Variants in ROBO1 observed in about 807,000 individuals in gnomAD.
ROBO1 encodes the protein roundabout guidance receptor 1.
In ROBO1, 149 loss-of-function variants were observed where a neutral mutation model predicts 195.9. That is an observed-to-expected ratio of 0.76 (90% CI 0.67 to 0.87). The LOEUF (loss-of-function observed/expected upper bound fraction) is 0.87, where lower values mean the gene tolerates loss of function less well. Ranked by LOEUF, ROBO1 falls within the 40% of genes least tolerant of loss-of-function variation. The probability of loss-of-function intolerance (pLI) is 0.00; values close to 1 mark genes in which losing one functional copy is unlikely to be tolerated. For synonymous variants in ROBO1, 816 were observed against 733.2 expected (o/e 1.11, Z -1.82); for missense variants, 1,933 against 2,068.3 (o/e 0.93, Z 1.27).
intron 19 of ROBO1, among the ~76,000 whole-genome samples, chr3:78,648,517 G>T (rs1008427059): frequency 6.6e-6 from 1 of 151,714 alleles, no homozygotes; most frequent in South Asian, 2.1e-4. Context: ...AAATTGAACC[G>T]CAGACCTCAA....
chr3:79,450,110 T>A (rs1375537994), intron 2 of ROBO1, among the ~76,000 whole-genome samples: 3 of 148,374 alleles, frequency 2.0e-5, no homozygotes, highest in Non-Finnish European at 4.4e-5. Context: ...CACTAGTTAT[T>A]GGGGAAAAAA....
intron 2 of ROBO1, among the ~76,000 whole-genome samples, chr3:79,441,082 C>G (rs1391902025): frequency 6.6e-6 from 1 of 152,044 alleles, no homozygotes; most frequent in Non-Finnish European, 1.5e-5. Flanking sequence ...ATATGCTAAA[C>G]TCTTGTTAAT....
chr3:78,823,195 T>C (rs1235749934), intron 4 of ROBO1, among the ~76,000 whole-genome samples: 1 of 151,620 alleles, frequency 6.6e-6, no homozygotes, highest in African/African-American at 2.4e-5. Flanking sequence ...AATGATTTTT[T>C]TTTTTTTTTT....
chr3:79,019,801 C>T (rs2078060558), intron 3 of ROBO1, among the ~76,000 whole-genome samples: 1 of 152,062 alleles, frequency 6.6e-6, no homozygotes, highest in South Asian at 2.1e-4. Flanking sequence ...TCTTCCTTGC[C>T]GCTTCCAGGA....
intron 4 of ROBO1, among the ~76,000 whole-genome samples, chr3:78,788,282 A>AT (rs370345876): frequency 0.25 from 37,006 of 149,310 alleles, 4,677 homozygotes; most frequent in Non-Finnish European, 0.27. Context: ...CGCCCAGATA[A>AT]TTTTTTTTTG....
chr3:79,550,195 G>GAAAGAAAGAAAGGAAA lies in ROBO1; in HGVS notation c.88+39628_88+39629insTTTCCTTTCTTTCTTT. Among the ~76,000 whole-genome samples the GAAAGAAAGAAAGGAAA allele has an allele frequency of 1.2e-4, 12 of 100,836 alleles. 1 individual carries two copies. The highest frequency in any genetic ancestry group is 5.6e-4 in the African/African-American group (12 of 21,440). The allele number at this position is 100,836 out of a possible 152,430, so 66.2% of individuals were successfully genotyped here. A position where few individuals can be genotyped will look rare whatever the true frequency, so the allele number is the denominator to read the frequency against. On this transcript the variant is annotated intron_variant, in intron 2 of 30. Transcript: ENST00000464233. ...AGAAAGAAAGAAAGAAAGAAAGAAA[G>GAAAGAAAGAAAGGAAA]GAAAAGAAAAGAAAAGAAAAGAAAA...
chr3:78,975,743 T>C (rs916072672), intron 3 of ROBO1, among the ~76,000 whole-genome samples: 8 of 152,160 alleles, frequency 5.3e-5, no homozygotes, highest in African/African-American at 1.9e-4. Context: ...GAATATGTGA[T>C]TACATAAGCA....
chr3:78,929,849 A>G (rs2039414770), intron 4 of ROBO1, among the ~76,000 whole-genome samples: 3 of 151,996 alleles, frequency 2.0e-5, no homozygotes, highest in Admixed American at 2.0e-4. Context: ...AATCCTCTTC[A>G]TGGTCTATTA....
intron 2 of ROBO1, among the ~76,000 whole-genome samples, chr3:79,181,462 A>G (rs375007776): frequency 6.6e-6 from 1 of 152,344 alleles, no homozygotes; most frequent in South Asian, 2.1e-4. Context: ...AGATGCTCAC[A>G]AATTCAAAGT....
chr3:79,697,050 A>T (rs1947469337), intron 1 of ROBO1, among the ~76,000 whole-genome samples: 1 of 151,416 alleles, frequency 6.6e-6, no homozygotes, highest in Admixed American at 6.6e-5. Flanking sequence ...AAATAAAGGA[A>T]AAGAAAGGTA....
At chr3:79,578,158 A>G (rs72905944) in intron 2 of ROBO1, among the ~76,000 whole-genome samples, 3,459 of 152,260 alleles carry the variant, frequency 0.023, 138 homozygotes, top group African/African-American at 0.08. Context: ...CCAATTTCTC[A>G]GAAAGATATA....
At chr3:78,800,084 G>A (rs2084318399) in intron 4 of ROBO1, among the ~76,000 whole-genome samples, 1 of 152,118 alleles carries the variant, frequency 6.6e-6, no homozygotes, top group Non-Finnish European at 1.5e-5. Context: ...AAAATGTGCT[G>A]CTCACGTTCC....
chr3:79,656,958 A>T (rs980517916), intron 1 of ROBO1, among the ~76,000 whole-genome samples: 1 of 152,068 alleles, frequency 6.6e-6, no homozygotes, highest in Non-Finnish European at 1.5e-5. Context: ...GCAGGTGTAG[A>T]AAAGGGCTGA....
chr3:78,668,778 T>C (rs1474289964), intron 11 of ROBO1, among the ~76,000 whole-genome samples: 1 of 152,202 alleles, frequency 6.6e-6, no homozygotes, highest in Non-Finnish European at 1.5e-5. Flanking sequence ...ATTGTTCTAA[T>C]GGTATAATAA....
At chr3:79,631,046 A>G (rs1487321995) in intron 1 of ROBO1, among the ~76,000 whole-genome samples, 1 of 151,948 alleles carries the variant, frequency 6.6e-6, no homozygotes, top group East Asian at 1.9e-4. Context: ...ATGACGTACT[A>G]TATTTTACAT....
chr3:79,302,802 A>C (rs11924570), intron 2 of ROBO1, among the ~76,000 whole-genome samples: 4,258 of 152,174 alleles, frequency 0.028, 178 homozygotes, highest in African/African-American at 0.096. Context: ...AATTGACATC[A>C]TATTAAAAAA....
At position 79,696,075 on chromosome 3, in the gene ROBO1, G is replaced by A. The variant is rs565886941; in HGVS notation, c.-51+71677C>T. ...ATGTGGGAGGGACTTGGGGTTTTTT[G>A]TTCACTAAAATGTTAATACGTGAGT... On this transcript the variant is annotated intron_variant, in intron 1 of 30. Coordinates refer to ENST00000464233, the MANE Select transcript of ROBO1 (RefSeq NM_002941.4). Among the ~76,000 whole-genome samples, 10 of 151,402 alleles carry A rather than the reference G, an allele frequency of 6.6e-5. No individual in the cohort carries two copies. The East Asian group carries it at 1.8e-3, about 27-fold the overall frequency.
At chr3:79,695,941 T>C (rs913598500) in intron 1 of ROBO1, among the ~76,000 whole-genome samples, 3 of 151,392 alleles carry the variant, frequency 2.0e-5, no homozygotes, top group Non-Finnish European at 4.4e-5. Flanking sequence ...TATAGGTTTT[T>C]TTTCCCCCCA....
chr3:79,651,183 C>T (rs1043807268), intron 1 of ROBO1, among the ~76,000 whole-genome samples: 2 of 151,926 alleles, frequency 1.3e-5, no homozygotes, highest in African/African-American at 2.4e-5. Context: ...CTATCCCATC[C>T]AAATTTAGGA....
Sources: allele counts gnomAD v4.1 joint callset (sites outside exome capture counted in the v4.1 genomes callset), GRCh38; gene constraint gnomAD v4.1.1; transcripts MANE v1.5; gene names NCBI Gene and HGNC (gene_info 2026-07-23, HGNC 2026-07-21).